RBFOX1: variants seen among roughly 807,000 people sequenced by gnomAD.
RBFOX1 encodes RNA binding fox-1 homolog 1.
RBFOX1 carries 8 observed loss-of-function variants against 57.7 expected under a neutral mutation model. The ratio of observed to expected loss-of-function variants is 0.14; its 90% confidence interval spans 0.08 to 0.25. The LOEUF is 0.25. Among genes scored for constraint, RBFOX1 ranks in the 10% least tolerant of loss-of-function variants. The pLI is 1.00. For synonymous variants in RBFOX1, 326 were observed against 222.4 expected (o/e 1.47, Z -4.15); for missense variants, 611 against 548.5 (o/e 1.11, Z -1.14).
At chr16:7,529,337 G>A (rs982795751) in intron 5 of RBFOX1, among the ~76,000 whole-genome samples, 1 of 152,174 alleles carries the variant, frequency 6.6e-6, no homozygotes, top group Non-Finnish European at 1.5e-5. Context: ...TGCTTAGAGA[G>A]ATTAACTTAT....
chr16:7,113,687 T>G (rs1329591957), intron 4 of RBFOX1, among the ~76,000 whole-genome samples: 1 of 152,248 alleles, frequency 6.6e-6, no homozygotes, highest in Non-Finnish European at 1.5e-5. Flanking sequence ...GATTGTTGCA[T>G]GTCAACATGT....
At chr16:5,463,653 A>T (rs2068862007) in intron 1 of RBFOX1, among the ~76,000 whole-genome samples, 1 of 152,066 alleles carries the variant, frequency 6.6e-6, no homozygotes, top group Non-Finnish European at 1.5e-5. Context: ...TACAAAAATT[A>T]GCCAGACGTG....
intron 7 of RBFOX1, among the ~76,000 whole-genome samples, chr16:7,591,547 G>T (rs1001082147): frequency 1.3e-5 from 2 of 152,164 alleles, no homozygotes; most frequent in African/African-American, 4.8e-5. Context: ...AGTCACGTTG[G>T]TCTGGCAATC....
At position 5,767,257 on chromosome 16, in the gene RBFOX1, T is replaced by A. The variant is rs529495815; in HGVS notation, c.319-100046T>A. ...TCTTGTCTTCTTTTGGCCTGTGTTA[T>A]TTTCCTGACTTCAGGGAGATGAGGC... On this transcript the variant is annotated intron_variant, in intron 3 of 19. Coordinates refer to the RBFOX1 transcript ENST00000641259. Among the ~76,000 whole-genome samples, 148 of 152,348 alleles carry A rather than the reference T, an allele frequency of 9.7e-4. 1 individual carries two copies. The highest frequency in any genetic ancestry group is 3.4e-3 in the African/African-American group (142 of 41,584).
At chr16:6,793,287 G>C (rs2083321059) in intron 3 of RBFOX1, among the ~76,000 whole-genome samples, 1 of 152,160 alleles carries the variant, frequency 6.6e-6, no homozygotes, top group African/African-American at 2.4e-5. Flanking sequence ...GTTAGGCTTA[G>C]ATTTTACATA....
chr16:6,549,145 GGAA>G (rs2153863718), intron 2 of RBFOX1, among the ~76,000 whole-genome samples: 8 of 24,638 alleles, frequency 3.2e-4, no homozygotes, highest in African/African-American at 4.8e-4. Context: ...GGAGGAGGAG[GGAA>G]GGAGGAGGGG....
At chr16:5,705,265 T>C (rs752278368) in intron 3 of RBFOX1, among the ~76,000 whole-genome samples, 14 of 152,142 alleles carry the variant, frequency 9.2e-5, no homozygotes, top group Non-Finnish European at 1.6e-4. Context: ...AGGTTTGTTT[T>C]TATTTTTTTA....
chr16:6,550,055 T>A lies in RBFOX1; in HGVS notation c.-63-104548T>A, dbSNP rs890756459. On this transcript the variant is annotated intron_variant, in intron 2 of 15. Transcript: ENST00000550418. ...AAGAAGTGGACACCATTCCATACTT[T>A]ATGACTGAATCTAAAATGCTGTTCA... 2.0e-5 allele frequency among the ~76,000 whole-genome samples: 3 copies of A among 152,206 alleles called. No individual in the cohort carries two copies. The South Asian group carries it at 6.2e-4, about 31-fold the overall frequency.
At chr16:5,744,188 T>C (rs1242314674) in intron 3 of RBFOX1, among the ~76,000 whole-genome samples, 1 of 152,110 alleles carries the variant, frequency 6.6e-6, no homozygotes, top group African/African-American at 2.4e-5. Flanking sequence ...TCCTCTTATC[T>C]TCCACCTCAC....
chr16:6,112,648 G>A (rs1037952475), intron 1 of RBFOX1, among the ~76,000 whole-genome samples: 1 of 152,074 alleles, frequency 6.6e-6, no homozygotes, highest in Admixed American at 6.5e-5. Flanking sequence ...CTGAGATCGT[G>A]CCATTGCACT....
At chr16:6,978,217 T>TGG (rs1240979485) in intron 3 of RBFOX1, among the ~76,000 whole-genome samples, 50 of 152,186 alleles carry the variant, frequency 3.3e-4, no homozygotes, top group Non-Finnish European at 6.9e-4. Context: ...CAGTTCGAAA[T>TGG]GCTTCTTGAA....
intron 4 of RBFOX1, among the ~76,000 whole-genome samples, chr16:7,468,217 A>C (rs2060880873): frequency 6.6e-6 from 1 of 152,214 alleles, no homozygotes; most frequent in South Asian, 2.1e-4. Flanking sequence ...GGAGACAATG[A>C]GCAAGCTCCT....
chr16:6,257,939 C>T (rs1294394614), intron 1 of RBFOX1, among the ~76,000 whole-genome samples: 1 of 152,020 alleles, frequency 6.6e-6, no homozygotes, highest in Non-Finnish European at 1.5e-5. Flanking sequence ...GGTATATCCC[C>T]AGTAATGGGA....
chr16:6,564,216 G>T (rs1439484727), intron 2 of RBFOX1, among the ~76,000 whole-genome samples: 1 of 152,164 alleles, frequency 6.6e-6, no homozygotes, highest in Non-Finnish European at 1.5e-5. Flanking sequence ...GTGAATGAAT[G>T]AATGGAGTGG....
At chr16:7,045,743 C>T (rs2153716052) in intron 3 of RBFOX1, among the ~76,000 whole-genome samples, 1 of 152,210 alleles carries the variant, frequency 6.6e-6, no homozygotes, top group East Asian at 1.9e-4. Flanking sequence ...CCTACCTCTG[C>T]CACCCAGGTT....
chr16:6,857,030 C>G (rs1007639755), intron 3 of RBFOX1, among the ~76,000 whole-genome samples: 2 of 152,166 alleles, frequency 1.3e-5, no homozygotes, highest in Non-Finnish European at 2.9e-5. Context: ...CAATGGCTTA[C>G]TGCAAATCGT....
At chr16:6,915,842 A>G (rs548991625) in intron 3 of RBFOX1, among the ~76,000 whole-genome samples, 3 of 152,204 alleles carry the variant, frequency 2.0e-5, no homozygotes, top group Non-Finnish European at 2.9e-5. Flanking sequence ...GTGAGCCGCT[A>G]TGCCCAGCCT....
intron 4 of RBFOX1, among the ~76,000 whole-genome samples, chr16:7,436,804 G>C (rs376793568): frequency 2.0e-5 from 3 of 152,146 alleles, no homozygotes; most frequent in African/African-American, 7.2e-5. Context: ...GCTCATACCT[G>C]CAATCCCAGC....
intron 4 of RBFOX1, among the ~76,000 whole-genome samples, chr16:7,446,529 T>C (rs967065326): frequency 2.0e-5 from 3 of 152,164 alleles, no homozygotes; most frequent in East Asian, 1.9e-4. Flanking sequence ...GTTGGGAAGA[T>C]TGATGTTAAT....
Sources: allele counts gnomAD v4.1 joint callset (sites outside exome capture counted in the v4.1 genomes callset), GRCh38; gene constraint gnomAD v4.1.1; transcripts MANE v1.5; gene names NCBI Gene and HGNC (gene_info 2026-07-23, HGNC 2026-07-21).